Variants in PLEKHA2 observed in about 807,000 individuals in gnomAD.
PLEKHA2 encodes pleckstrin homology domain containing A2, also known as pleckstrin homology domain-containing family A member 2.
Under a neutral mutation model 53.2 loss-of-function variants are expected in PLEKHA2, and 28 were observed. That is an observed-to-expected ratio of 0.53 (90% confidence interval 0.39 to 0.72). The LOEUF is 0.72. Among genes scored for constraint, PLEKHA2 ranks in the 30% least tolerant of loss-of-function variants. The pLI is 0.00. For synonymous variants in PLEKHA2, 193 were observed against 196.4 expected (o/e 0.98, Z 0.14); for missense variants, 426 against 537.9 (o/e 0.79, Z 2.06).
Position 38,973,777 on chromosome 8 carries a change from G to A in PLEKHA2, c.*3994G>A, listed in dbSNP as rs2129426508. On this transcript the variant is annotated 3_prime_UTR_variant, in exon 12 of 12. Coordinates refer to ENST00000617275, the MANE Select transcript of PLEKHA2 (RefSeq NM_021623.2). ...GATGTTTCAGCTGTGAAATGCACTCGCTGTAAGCTCTAGGCTGAGTGCATG... is the reference window on the plus strand; with the variant it reads ...GATGTTTCAGCTGTGAAATGCACTCACTGTAAGCTCTAGGCTGAGTGCATG... 1 of 169,124 alleles carries A rather than the reference G, an allele frequency of 5.9e-6. No individual in the cohort carries two copies. 10.5% of individuals were successfully genotyped at this position (169,124 alleles called of 1,614,324 possible).
At chr8:38,963,631 T>C (rs559592223) in intron 10 of PLEKHA2, among the ~76,000 whole-genome samples, 80 of 152,268 alleles carry the variant, frequency 5.3e-4, no homozygotes, top group African/African-American at 1.9e-3. Context: ...CCCAGCACTT[T>C]GGGAGGCTGA....
chr8:38,931,282 A>T (rs1834388116), intron 2 of PLEKHA2, among the ~76,000 whole-genome samples: 1 of 152,018 alleles, frequency 6.6e-6, no homozygotes, highest in Non-Finnish European at 1.5e-5. Context: ...AAAATAAATA[A>T]ATACATAAAT....
chr8:38,970,848 C>T lies in PLEKHA2; in HGVS notation c.*1065C>T, dbSNP rs1330449922. 3 of 152,208 alleles carry T rather than the reference C, an allele frequency of 2.0e-5. No homozygotes were observed. Among genetic ancestry groups the T allele is most frequent in the Admixed American group, 6.5e-5 (1 of 15,270 alleles). The allele number at this position is 152,208 out of a possible 1,614,324, so 9.4% of individuals were successfully genotyped here. A position where few individuals can be genotyped will look rare whatever the true frequency, so the allele number is the denominator to read the frequency against. On this transcript the variant is annotated 3_prime_UTR_variant, in exon 12 of 12. Coordinates refer to ENST00000617275, the MANE Select transcript of PLEKHA2 (RefSeq NM_021623.2). ...CCCACCCAAATTTTAGGGCGTACCT[C>T]CTTCCATTTGATAAGAAGATGCTAT...
intron 2 of PLEKHA2, 66 bp from the exon 3 acceptor site, chr8:38,935,928 C>T (rs370220209): frequency 8.1e-6 from 12 of 1,486,670 alleles, no homozygotes; most frequent in Non-Finnish European, 1.0e-5. Flanking sequence ...GAGCTAGAAT[C>T]TTGGTCTTCT....
At chr8:38,948,609 G>A (rs976678644) in intron 5 of PLEKHA2, among the ~76,000 whole-genome samples, 1 of 152,170 alleles carries the variant, frequency 6.6e-6, no homozygotes, top group African/African-American at 2.4e-5. Flanking sequence ...TTGTCTTTGT[G>A]GGGGCCCAGC....
chr8:38,945,021 A>T (rs1014198742), intron 4 of PLEKHA2, among the ~76,000 whole-genome samples: 20 of 152,138 alleles, frequency 1.3e-4, no homozygotes, highest in African/African-American at 4.3e-4. Flanking sequence ...AATTCTGTTA[A>T]GGGTCTCAGT....
At chr8:38,940,654 G>T (rs985798986) in intron 3 of PLEKHA2, among the ~76,000 whole-genome samples, 6 of 108,566 alleles carry the variant, frequency 5.5e-5, no homozygotes, top group Admixed American at 4.3e-4. Context: ...AAGGGGCGGG[G>T]GGGGGGGGTC....
intron 1 of PLEKHA2, chr8:38,902,119 C>G (rs904055275): frequency 6.6e-6 from 1 of 151,792 alleles, no homozygotes; most frequent in Non-Finnish European, 1.5e-5. Flanking sequence ...CGTTCTCTCT[C>G]TCACCAACTT....
chr8:38,917,897 C>T lies in PLEKHA2; in HGVS notation c.-23-10C>T. ...CTTCCTTCTCATCAGCACCTCCCTC[C>T]TGCGCGCAGGGTGATGTGAGCAGAG... On this transcript the variant is annotated splice_polypyrimidine_tract_variant and intron_variant, in intron 1 of 11. Coordinates refer to ENST00000617275, the MANE Select transcript of PLEKHA2 (RefSeq NM_021623.2). 6.2e-7 allele frequency: 1 copy of T among 1,609,162 alleles called. No individual in the cohort carries two copies. The highest frequency in any genetic ancestry group is 8.5e-7 in the Non-Finnish European group (1 of 1,176,374).
intron 1 of PLEKHA2, among the ~76,000 whole-genome samples, chr8:38,907,640 A>T (rs1308645069): frequency 6.6e-6 from 1 of 152,018 alleles, no homozygotes; most frequent in African/African-American, 2.4e-5. Context: ...GCACGCCTGT[A>T]GTCCCAGCCA....
At position 38,922,810 on chromosome 8, in the gene PLEKHA2, C is replaced by T. The variant is rs1298744323; in HGVS notation, c.141+4740C>T. On this transcript the variant is annotated intron_variant, in intron 2 of 11. Coordinates refer to ENST00000617275, the MANE Select transcript of PLEKHA2 (RefSeq NM_021623.2). The surrounding 1 kb of genome is among the most constrained non-coding windows in gnomAD (Gnocchi z 4.0). ...TTTTACATGTGTTACCCCATGGAAC[C>T]TCTCCATAATCCTGGGGCCTAGGGT... Among the ~76,000 whole-genome samples, 2 of 152,198 alleles carry T rather than the reference C, an allele frequency of 1.3e-5. No individual in the cohort carries two copies. Among genetic ancestry groups the T allele is most frequent in the African/African-American group, 4.8e-5 (2 of 41,440 alleles).
intron 1 of PLEKHA2, among the ~76,000 whole-genome samples, chr8:38,915,977 A>ATTATT (rs1485006035): frequency 2.6e-5 from 4 of 152,020 alleles, no homozygotes; most frequent in African/African-American, 9.7e-5. Context: ...GTTCAGTTAT[A>ATTATT]TTATTTTATT....
chr8:38,916,661 C>T (rs1834068478), intron 1 of PLEKHA2, among the ~76,000 whole-genome samples: 1 of 152,138 alleles, frequency 6.6e-6, no homozygotes, highest in African/African-American at 2.4e-5. Context: ...TTTCTTTATT[C>T]ATTCATCTGT....
At chr8:38,918,414 TACAC>T (rs1387566570) in intron 2 of PLEKHA2, among the ~76,000 whole-genome samples, 1 of 131,582 alleles carries the variant, frequency 7.6e-6, no homozygotes, top group Non-Finnish European at 1.6e-5. Flanking sequence ...CACAGACACA[TACAC>T]ACACCACACA....
rs117848148 is a variant in PLEKHA2 at position 38,957,148 on chromosome 8, G to A, written c.774-175G>A. On this transcript the variant is annotated intron_variant, in intron 9 of 11. Coordinates refer to ENST00000617275, the MANE Select transcript of PLEKHA2 (RefSeq NM_021623.2). ...CTCCTGAGACCCTCTAGGAAATGAA[G>A]CTAGAGGAAACCCCTGGAGTGTTTT... is the stretch of plus-strand genomic sequence containing the variant. Among the ~76,000 whole-genome samples the A allele has an allele frequency of 7.9e-3, 1,196 of 152,252 alleles. 8 individuals are homozygous for A. The highest frequency in any genetic ancestry group is 0.014 in the Non-Finnish European group (946 of 68,012).
At chr8:38,944,961 G>C (rs959228807) in intron 4 of PLEKHA2, among the ~76,000 whole-genome samples, 1 of 152,212 alleles carries the variant, frequency 6.6e-6, no homozygotes, top group African/African-American at 2.4e-5. Flanking sequence ...GGAGGACTCA[G>C]AGGAGACGCA....
chr8:38,967,989 TTTG>T (rs533573968), intron 10 of PLEKHA2, among the ~76,000 whole-genome samples: 3 of 152,092 alleles, frequency 2.0e-5, no homozygotes, highest in African/African-American at 4.8e-5. Context: ...GATTTATGGT[TTTG>T]TTGTTGTTGT....
chr8:38,907,700 G>A (rs1238254941), intron 1 of PLEKHA2, among the ~76,000 whole-genome samples: 1 of 150,256 alleles, frequency 6.7e-6, no homozygotes, highest in Non-Finnish European at 1.5e-5. Context: ...GGTGGAGGCT[G>A]CATTGAGCCA....
chr8:38,914,828 T>C lies in PLEKHA2; in HGVS notation c.-23-3079T>C, dbSNP rs184951293. ...AGAAAATTGCAACAAGAGCAGAGGT[T>C]GGCTGGTTTGAAGGTGTGGCTCATC... On this transcript the variant is annotated intron_variant, in intron 1 of 11. Transcript: ENST00000617275. 3.4e-3 allele frequency among the ~76,000 whole-genome samples: 517 copies of C among 152,326 alleles called. 2 individuals carry two copies. The highest frequency in any genetic ancestry group is 6.8e-3 in the Middle Eastern group (2 of 294).
Sources: allele counts gnomAD v4.1 joint callset (sites outside exome capture counted in the v4.1 genomes callset), GRCh38; gene constraint gnomAD v4.1.1; non-coding constraint Gnocchi (gnomAD v3.1); transcripts MANE v1.5; gene names NCBI Gene and HGNC (gene_info 2026-07-23, HGNC 2026-07-21).